RNASEL: variants seen among roughly 807,000 people sequenced by gnomAD.
The protein encoded by RNASEL is 2-5A-dependent ribonuclease.
RNASEL carries 36 observed loss-of-function variants against 50.9 expected under a neutral mutation model. The observed-to-expected ratio is 0.71, with a 90% CI of 0.54 to 0.93. The LOEUF (loss-of-function observed/expected upper bound fraction) is 0.93. RNASEL is among the 40% of genes least tolerant of loss of function. RNASEL has a pLI of 0.00. For synonymous variants in RNASEL, 335 were observed against 335.6 expected (o/e 1.00, Z 0.02); for missense variants, 860 against 894.5 (o/e 0.96, Z 0.49).
intron 3 of RNASEL, among the ~76,000 whole-genome samples, chr1:182,583,201 G>A (rs961341065): frequency 1.3e-5 from 2 of 152,172 alleles, no homozygotes; most frequent in Non-Finnish European, 2.9e-5. Flanking sequence ...GGCATGCTCA[G>A]TTTATTTACT....
chr1:182,582,801 C>G (rs1442155786), intron 3 of RNASEL, among the ~76,000 whole-genome samples: 1 of 152,162 alleles, frequency 6.6e-6, no homozygotes, highest in Non-Finnish European at 1.5e-5. Context: ...GCCACCAAAC[C>G]AGGAGGCCAG....
rs1661513353 is a variant in RNASEL at position 182,582,363 on chromosome 1, C to T, written c.1567-105G>A. 2.1e-5 allele frequency: 29 copies of T among 1,373,242 alleles called. No homozygotes were observed. The South Asian group carries it at 2.8e-4, about 13-fold the overall frequency. 85.1% of individuals were successfully genotyped at this position (1,373,242 alleles called of 1,614,324 possible). The stretch of plus-strand genomic sequence containing the variant: ...GCAAACAAGATGATGGGAGGAATCT[C>T]AAGGAATTTGTAGGCTTGTTAGGGA... On this transcript the variant is annotated intron_variant, in intron 3 of 6. Transcript: ENST00000367559.
chr1:182,581,010 T>A (rs1661482727), intron 5 of RNASEL, among the ~76,000 whole-genome samples: 3 of 152,048 alleles, frequency 2.0e-5, no homozygotes, highest in African/African-American at 7.2e-5. Context: ...GGGGCATGGG[T>A]CTGAATGGGA....
Position 182,576,391 on chromosome 1 carries a change from T to TA in RNASEL, c.1906-3dup, listed in dbSNP as rs753225175. 1.3e-5 allele frequency: 21 copies of TA among 1,563,690 alleles called. No homozygotes were observed. Among genetic ancestry groups the TA allele is most frequent in the African/African-American group, 2.7e-5 (2 of 73,718 alleles). On this transcript the variant is annotated splice_region_variant and splice_polypyrimidine_tract_variant and intron_variant, in intron 5 of 6. Coordinates refer to ENST00000367559, the MANE Select transcript of RNASEL (RefSeq NM_021133.4). ...TTTTTTCATAACACATTCATTAATC[T>TA]AAAAAAACAAAAAATAACACAAAAA...
chr1:182,582,330 C>A lies in RNASEL; in HGVS notation c.1567-72G>T, dbSNP rs545920695. On this transcript the variant is annotated intron_variant, in intron 3 of 6. Coordinates refer to ENST00000367559, the MANE Select transcript of RNASEL (RefSeq NM_021133.4). Reference sequence around the variant, plus strand: ...GGGTAACCCTGGAAGGAGTGGTGCACGCTATTAGCAAACAAGATGATGGGA... The same window carrying A: ...GGGTAACCCTGGAAGGAGTGGTGCAAGCTATTAGCAAACAAGATGATGGGA... 4 of 1,546,316 alleles carry A rather than the reference C, an allele frequency of 2.6e-6. No individual in the cohort carries two copies. The South Asian group carries it at 4.5e-5, about 17-fold the overall frequency.
chr1:182,588,376 T>C (rs1270246244), intron 1 of RNASEL, among the ~76,000 whole-genome samples: 1 of 152,210 alleles, frequency 6.6e-6, no homozygotes, highest in Non-Finnish European at 1.5e-5. Context: ...TTGCAAATAT[T>C]AGCCACTCAA....
intron 5 of RNASEL, 141 bp from the exon 6 acceptor site, chr1:182,576,530 A>G (rs1661385421): frequency 1.4e-6 from 1 of 720,724 alleles, no homozygotes; most frequent in Admixed American, 2.8e-5. Flanking sequence ...AAGCAAAATA[A>G]TTTAAAAATG....
Position 182,586,683 on chromosome 1 carries a change from G to A in RNASEL, c.124C>T (p.Gln42Ter), listed in dbSNP as rs2102372559. 6.2e-7 allele frequency: 1 copy of A among 1,614,150 alleles called. No homozygotes were observed. Among genetic ancestry groups the A allele is most frequent in the South Asian group, 1.1e-5 (1 of 91,086 alleles). The change falls in exon 2 of 7, where the codon CAG becomes TAG. Residue 42 changes from glutamine (Q) to a stop codon, truncating the protein, a stop_gained. Coordinates refer to ENST00000367559, the MANE Select transcript of RNASEL (RefSeq NM_021133.4). LOFTEE classifies it high-confidence loss of function. The part of the protein sequence containing the change: ...AVQNEDVDLV[Q>*]QLLEGGANVN... ...TTGGCTCCACCTTCCAGCAATTGCTGGACCAGGTCAACATCTTCGTTTTGA... is the reference window on the plus strand; with the variant it reads ...TTGGCTCCACCTTCCAGCAATTGCTAGACCAGGTCAACATCTTCGTTTTGA...
In RNASEL at chr1:182,586,823, T is replaced by C. The variant is rs1661611177; in HGVS notation, c.-17A>G. 1.9e-6 allele frequency: 3 copies of C among 1,613,866 alleles called. No homozygotes were observed. The highest frequency in any genetic ancestry group is 2.5e-6 in the Non-Finnish European group (3 of 1,180,034). Reference sequence around the variant, plus strand: ...GCTCTCCATGACGGTAAATGCCACCTGCTACCACTTTTAGCCTTTTCCTTG... The same window carrying C: ...GCTCTCCATGACGGTAAATGCCACCCGCTACCACTTTTAGCCTTTTCCTTG... On this transcript the variant is annotated 5_prime_UTR_variant, in exon 2 of 7. Transcript: ENST00000367559.
chr1:182,579,778 T>C, intron 5 of RNASEL: 3 of 1,122,936 alleles, frequency 2.7e-6, no homozygotes, highest in Non-Finnish European at 3.5e-6. Context: ...TCTTTCCAGG[T>C]CTGCCAATCT....
chr1:182,588,117 A>G (rs1174069676), intron 1 of RNASEL, among the ~76,000 whole-genome samples: 1 of 152,204 alleles, frequency 6.6e-6, no homozygotes, highest in Non-Finnish European at 1.5e-5. Context: ...TGTGCTTTTG[A>G]CCTACAATAT....
chr1:182,581,425 G>C, intron 4 of RNASEL, 68 bp from the exon 5 acceptor site: 1 of 1,351,932 alleles, frequency 7.4e-7, no homozygotes, highest in Non-Finnish European at 1.0e-6. Flanking sequence ...TCCAGAAAAA[G>C]AAAACCGTTA....
rs750346014 is a variant in RNASEL at position 182,575,403 on chromosome 1, G to A, written c.2215C>T (p.Pro739Ser). The change falls in exon 7 of 7, where the codon CCT becomes TCT. Residue 739 changes from proline to serine, a missense_variant. Pro to Ser is a moderately conservative substitution (Grantham distance 74). Coordinates refer to ENST00000367559, the MANE Select transcript of RNASEL (RefSeq NM_021133.4). ...GAGGASGLAS[P>S]GC Reference sequence around the variant, plus strand: ...AGCAAATCAGTCCATCAGCACCCAGGGCTGGCCAACCCACTGGCCCCACCA... The same window carrying A: ...AGCAAATCAGTCCATCAGCACCCAGAGCTGGCCAACCCACTGGCCCCACCA... The A allele has an allele frequency of 4.3e-6, 7 of 1,614,086 alleles. No individual in the cohort carries two copies. In the East Asian group the frequency reaches 1.3e-4, roughly 31 times the overall value.
intron 4 of RNASEL, 24 bp downstream of exon 4, chr1:182,582,029 G>A (rs1661505783): frequency 2.5e-6 from 4 of 1,604,552 alleles, no homozygotes; most frequent in Non-Finnish European, 8.5e-7. Context: ...GAGGCCTGTG[G>A]CATCTGCACA....
intron 3 of RNASEL, among the ~76,000 whole-genome samples, chr1:182,583,119 G>T (rs985637987): frequency 4.6e-5 from 7 of 152,142 alleles, no homozygotes; most frequent in African/African-American, 1.7e-4. Flanking sequence ...CACTTACTTT[G>T]TTCCTAGGTA....
chr1:182,586,460 G>T lies in RNASEL; in HGVS notation c.347C>A (p.Ala116Glu), dbSNP rs1482298377. 2 of 1,613,928 alleles carry T rather than the reference G, an allele frequency of 1.2e-6. No homozygotes were observed. The highest frequency in any genetic ancestry group is 1.7e-6 in the Non-Finnish European group (2 of 1,179,826). The stretch of plus-strand genomic sequence containing the variant: ...ATAAAAATCACACTCATTGACATCT[G>T]CTCCTTTAGAAAGGAAAAGTTTCAG... Reference protein sequence around the residue: ...KLLKLFLSKGADVNECDFYGF... With the variant: ...KLLKLFLSKGEDVNECDFYGF... Residue 116 changes from alanine to glutamate, a missense_variant, in exon 2 of 7, where the codon GCA (alanine) becomes GAA (glutamate). By Grantham distance (107) the Ala-to-Glu change is moderately radical. Coordinates refer to ENST00000367559, the MANE Select transcript of RNASEL (RefSeq NM_021133.4).
chr1:182,582,349 G>T, intron 3 of RNASEL, 91 bp from the exon 4 acceptor site: 1 of 1,449,704 alleles, frequency 6.9e-7, no homozygotes, highest in Non-Finnish European at 9.7e-7. Flanking sequence ...CAAACAAGAT[G>T]ATGGGAGGAA....
rs1400115142 is a variant in RNASEL at position 182,574,994 on chromosome 1, T to G, written c.*398A>C. 2 of 322,260 alleles carry G rather than the reference T, an allele frequency of 6.2e-6. No individual in the cohort carries two copies. Among genetic ancestry groups the G allele is most frequent in the Admixed American group, 4.6e-5 (1 of 21,918 alleles). The allele number at this position is 322,260 out of a possible 1,614,324, so 20.0% of individuals were successfully genotyped here. On this transcript the variant is annotated 3_prime_UTR_variant, in exon 7 of 7. Transcript: ENST00000367559. ...AGTGCTAGGTATAAATTGAATAATC[T>G]TGGGCCAGTAGCTCACACTCTCTGA...
chr1:182,579,961 T>C, intron 5 of RNASEL: 3 of 457,242 alleles, frequency 6.6e-6, no homozygotes, highest in South Asian at 4.6e-5. Flanking sequence ...CCCTTACTGG[T>C]TCTGTGTAGT....
Sources: gnomAD v4.1 joint callset for allele counts (sites outside exome capture counted in the v4.1 genomes callset) on GRCh38, gnomAD v4.1.1 for gene constraint, MANE v1.5 for transcripts, NCBI Gene and HGNC (gene_info 2026-07-23, HGNC 2026-07-21) for gene names.